Variants in ESYT1 observed in about 807,000 individuals in gnomAD.
ESYT1 encodes extended synaptotagmin 1.
In ESYT1, 116 loss-of-function variants were observed where a neutral mutation model predicts 154.2. That is an observed-to-expected ratio of 0.75 (90% CI 0.65 to 0.88). The LOEUF (loss-of-function observed/expected upper bound fraction) is 0.88, where lower values mean the gene tolerates loss of function less well. ESYT1 is among the 40% of genes least tolerant of loss of function. ESYT1 has a pLI of 0.00. For missense variants in ESYT1, 1,264 were observed against 1,379.3 expected (o/e 0.92, Z 1.32); for synonymous variants, 500 against 539.9 (o/e 0.93, Z 1.02).
chr12:56,144,329 A>T lies in ESYT1; in HGVS notation c.*467A>T. On this transcript the variant is annotated 3_prime_UTR_variant, in exon 31 of 31. Transcript: ENST00000394048. ...GTGAGCCTCTTAGACTACTGCATGT[A>T]GCAAATGTTCAGCAGCTCAGGCCCC... 9.8e-7 allele frequency: 1 copy of T among 1,016,790 alleles called. No individual in the cohort carries two copies. The highest frequency in any genetic ancestry group is 1.2e-6 in the Non-Finnish European group (1 of 847,814). The allele number at this position is 1,016,790 out of a possible 1,614,324, so 63.0% of individuals were successfully genotyped here. A position where few individuals can be genotyped will look rare whatever the true frequency, so the allele number is the denominator to read the frequency against.
chr12:56,132,045 G>A (rs764318256), intron 7 of ESYT1, among the ~76,000 whole-genome samples, 164 bp from the exon 8 acceptor site: 1 of 152,194 alleles, frequency 6.6e-6, no homozygotes, highest in Non-Finnish European at 1.5e-5. Context: ...GAAGAAGGGA[G>A]AGAGCAGTAG....
chr12:56,136,641 A>T, intron 15 of ESYT1, 103 bp from the exon 16 acceptor site: 14 of 746,102 alleles, frequency 1.9e-5, no homozygotes, highest in Non-Finnish European at 2.4e-5. Flanking sequence ...GAGGTTTGTG[A>T]TTGGTACAGA....
In ESYT1 at chr12:56,134,752, C is replaced by T. The variant is rs549905724; in HGVS notation, c.1632+324C>T. Among the ~76,000 whole-genome samples the T allele has an allele frequency of 7.5e-4, 114 of 152,160 alleles. 1 individual carries two copies. Among genetic ancestry groups the T allele is most frequent in the Non-Finnish European group, 1.1e-3 (77 of 67,992 alleles). On this transcript the variant is annotated intron_variant, in intron 15 of 30. Coordinates refer to ENST00000394048, the MANE Select transcript of ESYT1 (RefSeq NM_015292.3). ...TAGCTGGGATTACAGGCAGGCACCA[C>T]CATGCCCGGCTAATTTTTGTATTTT...
At chr12:56,133,895 G>A (rs1218537033) in intron 13 of ESYT1, 22 bp downstream of exon 13, 1 of 1,611,060 alleles carries the variant, frequency 6.2e-7, no homozygotes, top group South Asian at 1.1e-5. Flanking sequence ...TGGGTGAACA[G>A]GAGCCCTGGA....
intron 7 of ESYT1, 106 bp downstream of exon 7, chr12:56,131,910 A>C (rs1870251132): frequency 4.9e-6 from 6 of 1,218,160 alleles, no homozygotes; most frequent in Admixed American, 3.8e-5. Flanking sequence ...AGGAGCCTCA[A>C]CTTCATTTGG....
chr12:56,143,565 C>T lies in ESYT1; in HGVS notation c.3226-15C>T. On this transcript the variant is annotated splice_polypyrimidine_tract_variant and intron_variant, in intron 29 of 30. Coordinates refer to ENST00000394048, the MANE Select transcript of ESYT1 (RefSeq NM_015292.3). Reference sequence around the variant, plus strand: ...AAAAGAAATAACATCTTTCCCCTATCATCTTCCAACACAGGTGCAGCTGGA... The same window carrying T: ...AAAAGAAATAACATCTTTCCCCTATTATCTTCCAACACAGGTGCAGCTGGA... The T allele has an allele frequency of 6.2e-7, 1 of 1,614,030 alleles. No individual in the cohort carries two copies. Among genetic ancestry groups the T allele is most frequent in the Non-Finnish European group, 8.5e-7 (1 of 1,179,988 alleles).
At chr12:56,143,362 T>G (rs1592251234) in intron 29 of ESYT1, 29 bp downstream of exon 29, 1 of 1,607,272 alleles carries the variant, frequency 6.2e-7, no homozygotes, top group Non-Finnish European at 8.5e-7. Context: ...AGGGCAGAGG[T>G]GAGGGCTGGA....
At chr12:56,141,278 T>G (rs987257086) in intron 24 of ESYT1, among the ~76,000 whole-genome samples, 4 of 152,068 alleles carry the variant, frequency 2.6e-5, no homozygotes, top group African/African-American at 9.7e-5. Flanking sequence ...TAGCAGGGAA[T>G]CAATAGATAC....
chr12:56,130,273 TC>T, intron 1 of ESYT1: 1 of 464,310 alleles, frequency 2.2e-6, no homozygotes, highest in South Asian at 2.8e-5. Flanking sequence ...GACCTCCCCC[TC>T]CAGAAAGAAT....
At chr12:56,132,849 G>C (rs767711262) in intron 10 of ESYT1, 48 bp downstream of exon 10, 2 of 1,542,450 alleles carry the variant, frequency 1.3e-6, no homozygotes, top group Non-Finnish European at 1.8e-6. Flanking sequence ...GGCCAGGCAC[G>C]GTGGCTCATG....
In ESYT1 at chr12:56,128,342, G is replaced by C. The variant is rs1317123312; in HGVS notation, c.23G>C (p.Gly8Ala). The C allele has an allele frequency of 3.1e-6, 5 of 1,611,128 alleles. No individual in the cohort carries two copies. The South Asian group carries it at 4.4e-5, about 14-fold the overall frequency. Reference protein sequence around the residue: MERSPGEGPSPSPMDQPS... With the variant: MERSPGEAPSPSPMDQPS... Reference sequence around the variant, plus strand: ...ACAATGGAGCGATCTCCAGGAGAGGGCCCCAGCCCCAGCCCCATGGACCAG... The same window carrying C: ...ACAATGGAGCGATCTCCAGGAGAGGCCCCCAGCCCCAGCCCCATGGACCAG... Residue 8 changes from glycine (G) to alanine (A), a missense_variant, in exon 1 of 31, where the codon GGC (glycine) becomes GCC (alanine). Gly to Ala is a moderately conservative substitution (Grantham distance 60). Coordinates refer to ENST00000394048, the MANE Select transcript of ESYT1 (RefSeq NM_015292.3).
chr12:56,131,358 C>T lies in ESYT1; in HGVS notation c.714+42C>T, dbSNP rs772425647. On this transcript the variant is annotated intron_variant, in intron 5 of 30. Transcript: ENST00000394048. ...GGGCCACATAATAGGGAATGTTTGTCCTGCGTTTCATGGGATATGGGGAAG... is the reference window on the plus strand; with the variant it reads ...GGGCCACATAATAGGGAATGTTTGTTCTGCGTTTCATGGGATATGGGGAAG... 3.1e-6 allele frequency: 5 copies of T among 1,612,634 alleles called. No homozygotes were observed. The Admixed American group carries it at 5.0e-5, about 16-fold the overall frequency.
rs764482027 is a variant in ESYT1, at chr12:56,137,559, G to C, written c.1999G>C (p.Gly667Arg). The change falls in exon 18 of 31, where the codon GGG becomes CGG. Residue 667 changes from glycine (G) to arginine (R), a missense_variant. Physicochemically the swap from Gly to Arg is moderately radical, Grantham distance 125. Coordinates refer to ENST00000394048, the MANE Select transcript of ESYT1 (RefSeq NM_015292.3). ...QDLIAKDRFL[G>R]GLVKGKSDPY... ...CCTGATTGCCAAAGACCGTTTCTTG[G>C]GGGGACTGGTGAAGGGCAAGTCAGA... is the stretch of plus-strand genomic sequence containing the variant. The C allele has an allele frequency of 5.0e-6, 8 of 1,614,028 alleles. No individual in the cohort carries two copies. In the South Asian group the frequency reaches 6.6e-5, roughly 13 times the overall value.
Position 56,137,482 on chromosome 12 carries a change from C to T in ESYT1, c.1939-17C>T, listed in dbSNP as rs1429790587. On this transcript the variant is annotated splice_polypyrimidine_tract_variant and intron_variant, in intron 17 of 30. Coordinates refer to ENST00000394048, the MANE Select transcript of ESYT1 (RefSeq NM_015292.3). Reference sequence around the variant, plus strand: ...TCTCTCCCTTTGCCATCTGGCACCCCCCCGTCCCTTTTGCAGCATGTGCTT... The same window carrying T: ...TCTCTCCCTTTGCCATCTGGCACCCTCCCGTCCCTTTTGCAGCATGTGCTT... 2.5e-6 allele frequency: 4 copies of T among 1,609,898 alleles called. No individual in the cohort carries two copies. Among genetic ancestry groups the T allele is most frequent in the South Asian group, 1.1e-5 (1 of 90,816 alleles).
intron 10 of ESYT1, 105 bp downstream of exon 10, chr12:56,132,906 G>A: frequency 1.1e-6 from 1 of 922,364 alleles, no homozygotes; most frequent in South Asian, 1.4e-5. Flanking sequence ...GGATCACGAG[G>A]TCAGGAGATT....
Position 56,132,819 on chromosome 12 carries a change from A to C in ESYT1, c.1244+18A>C. The C allele has an allele frequency of 6.2e-7, 1 of 1,611,062 alleles. No individual in the cohort carries two copies. The highest frequency in any genetic ancestry group is 8.5e-7 in the Non-Finnish European group (1 of 1,177,754). On this transcript the variant is annotated intron_variant, in intron 10 of 30. Transcript: ENST00000394048. The stretch of plus-strand genomic sequence containing the variant: ...CTGGGCAGGTGAGACTCTGCCTGTT[A>C]GGATTCTAAAGCCCATGCTGGCCAG...
At chr12:56,128,744 GC>G (rs754842889) in intron 1 of ESYT1, 35 bp downstream of exon 1, 1 of 1,609,546 alleles carries the variant, frequency 6.2e-7, no homozygotes, top group South Asian at 1.1e-5. Flanking sequence ...GTGCAGCATA[GC>G]CCCCTTCCAC....
rs560581410 is a variant in ESYT1 at position 56,131,262 on chromosome 12, G to T, written c.660G>T (p.Gln220His). 2 of 1,614,204 alleles carry T rather than the reference G, an allele frequency of 1.2e-6. No homozygotes were observed. The highest frequency in any genetic ancestry group is 1.3e-5 in the African/African-American group (1 of 75,028). Residue 220 changes from glutamine (Q) to histidine (H), a missense_variant, in exon 5 of 31, where the codon CAG (glutamine) becomes CAT (histidine). Physicochemically the swap from Gln to His is conservative, Grantham distance 24 (BLOSUM62 0). Transcript: ENST00000394048. ...TCCCCAGCTATGTAGGTGATGTGCAGATTGATGTGGAAGTGAAGAAATATT... is the reference window on the plus strand; with the variant it reads ...TCCCCAGCTATGTAGGTGATGTGCATATTGATGTGGAAGTGAAGAAATATT... ...DLNISYVGDV[Q>H]IDVEVKKYFC... is the part of the protein sequence containing the mutation.
rs952781552 is a variant in ESYT1 at position 56,137,019 on chromosome 12, C to T, written c.1782+126C>T. ...TACATGTAGAAGTGCCAAGCAGGCA[C>T]AAAAACATATATTGATCTGACTGGT... On this transcript the variant is annotated intron_variant, in intron 16 of 30. Coordinates refer to ENST00000394048, the MANE Select transcript of ESYT1 (RefSeq NM_015292.3). 13 of 1,333,346 alleles carry T rather than the reference C, an allele frequency of 9.7e-6. No individual in the cohort carries two copies. The African/African-American group carries it at 1.9e-4, about 20-fold the overall frequency. 82.6% of individuals were successfully genotyped at this position (1,333,346 alleles called of 1,614,324 possible). A position where few individuals can be genotyped will look rare whatever the true frequency, so the allele number is the denominator to read the frequency against.
Sources: gnomAD v4.1 joint callset for allele counts (sites outside exome capture counted in the v4.1 genomes callset) on GRCh38, gnomAD v4.1.1 for gene constraint, MANE v1.5 for transcripts, NCBI Gene and HGNC (gene_info 2026-07-23, HGNC 2026-07-21) for gene names.